The following KHDRBS3 variants were observed in gnomAD, a reference collection of about 807,000 sequenced individuals.
KHDRBS3 encodes KH domain-containing, RNA-binding, signal transduction-associated protein 3.
KHDRBS3 carries 23 observed loss-of-function variants against 45.6 expected under a neutral mutation model. That is an observed-to-expected ratio of 0.50 (90% CI 0.36 to 0.72). The LOEUF (loss-of-function observed/expected upper bound fraction) is 0.72, where lower values mean the gene tolerates loss of function less well. KHDRBS3 is among the 30% of genes least tolerant of loss of function. The pLI, the probability that KHDRBS3 is intolerant of heterozygous loss-of-function variation, is 0.00. For synonymous variants in KHDRBS3, 162 were observed against 156.5 expected, an observed-to-expected ratio of 1.04 and a Z score of -0.26; for missense variants, 352 against 424.8, an observed-to-expected ratio of 0.83 and a Z score of 1.51.
At chr8:135,606,228 A>T (rs1408031496) in intron 6 of KHDRBS3, among the ~76,000 whole-genome samples, 1 of 151,976 alleles carries the variant, frequency 6.6e-6, no homozygotes, top group Non-Finnish European at 1.5e-5. Flanking sequence ...TTTTCTGGGC[A>T]TGGATATGGC....
At chr8:135,640,763 GAGA>G (rs1367939138) in intron 7 of KHDRBS3, among the ~76,000 whole-genome samples, 1 of 152,132 alleles carries the variant, frequency 6.6e-6, no homozygotes, top group East Asian at 1.9e-4. Context: ...TGATGGAGTT[GAGA>G]AGTATTTGGC....
intron 1 of KHDRBS3, among the ~76,000 whole-genome samples, chr8:135,466,680 G>T (rs1051885879): frequency 6.6e-6 from 1 of 152,218 alleles, no homozygotes; most frequent in South Asian, 2.1e-4. Context: ...TCTGTTTACT[G>T]ACTTGAGTGG....
intron 7 of KHDRBS3, among the ~76,000 whole-genome samples, chr8:135,628,848 G>A (rs1488043900): frequency 6.6e-6 from 1 of 152,224 alleles, no homozygotes; most frequent in Non-Finnish European, 1.5e-5. Flanking sequence ...AGTGTCTCAT[G>A]AGAGATTAAG....
chr8:135,601,942 G>A (rs192962102), intron 6 of KHDRBS3, among the ~76,000 whole-genome samples: 108 of 152,272 alleles, frequency 7.1e-4, no homozygotes, highest in Non-Finnish European at 1.1e-3. Context: ...CAGAACACTA[G>A]AAGATAAGAG....
intron 7 of KHDRBS3, among the ~76,000 whole-genome samples, chr8:135,615,279 A>G (rs1207837919): frequency 6.7e-6 from 1 of 149,062 alleles, no homozygotes; most frequent in East Asian, 1.9e-4. Flanking sequence ...AAAGGGAAGG[A>G]ACAGCCCAAG....
intron 1 of KHDRBS3, among the ~76,000 whole-genome samples, chr8:135,518,167 T>C (rs1488213733): frequency 2.0e-5 from 3 of 152,118 alleles, no homozygotes; most frequent in African/African-American, 7.2e-5. Context: ...TACTTTGTTT[T>C]TTTTTGTTGT....
At chr8:135,487,682 A>G (rs1478073716) in intron 1 of KHDRBS3, among the ~76,000 whole-genome samples, 1 of 152,178 alleles carries the variant, frequency 6.6e-6, no homozygotes, top group African/African-American at 2.4e-5. Context: ...GAAAAGGGAG[A>G]CAGGATAATA....
chr8:135,457,608 C>G lies in KHDRBS3; in HGVS notation c.-259C>G, dbSNP rs925455205. ...CCCGCCTAACCGCGCCGCCCGCGCC[C>G]GCTCCTCCTCGGCCCGCGCCCGGAG... On this transcript the variant is annotated 5_prime_UTR_variant, in exon 1 of 9. Coordinates refer to ENST00000355849, the MANE Select transcript of KHDRBS3 (RefSeq NM_006558.3). This position sits in a 1 kb window ranked among gnomAD's most constrained non-coding sequence, Gnocchi z 4.4. The G allele has an allele frequency of 9.5e-5, 14 of 147,008 alleles. No homozygotes were observed. The highest frequency in any genetic ancestry group is 2.7e-4 in the Admixed American group (4 of 14,766). 9.1% of individuals were successfully genotyped at this position (147,008 alleles called of 1,614,324 possible).
intron 7 of KHDRBS3, among the ~76,000 whole-genome samples, chr8:135,621,003 T>G (rs1457573811): frequency 6.6e-6 from 1 of 152,198 alleles, no homozygotes; most frequent in African/African-American, 2.4e-5. Flanking sequence ...CGTGTAAGTT[T>G]GCATCTGTTT....
chr8:135,506,764 T>C (rs1824016767), intron 1 of KHDRBS3, among the ~76,000 whole-genome samples: 1 of 152,214 alleles, frequency 6.6e-6, no homozygotes, highest in Admixed American at 6.5e-5. Context: ...GTTAGAATCT[T>C]CAACTCAGTA....
intron 7 of KHDRBS3, among the ~76,000 whole-genome samples, chr8:135,638,259 C>T (rs1183451470): frequency 6.6e-6 from 1 of 152,120 alleles, no homozygotes; most frequent in African/African-American, 2.4e-5. Flanking sequence ...GTGTTGGATC[C>T]CAGAGTAAAG....
chr8:135,553,883 AATG>A (rs998586630), intron 4 of KHDRBS3, among the ~76,000 whole-genome samples: 1 of 152,174 alleles, frequency 6.6e-6, no homozygotes, highest in Non-Finnish European at 1.5e-5. Flanking sequence ...GGGGAGTTAA[AATG>A]ATAATTTAAA....
chr8:135,460,236 G>A (rs1320114652), intron 1 of KHDRBS3, among the ~76,000 whole-genome samples: 4 of 152,196 alleles, frequency 2.6e-5, no homozygotes, highest in Non-Finnish European at 5.9e-5. Flanking sequence ...ATTCACATTG[G>A]AGTTGGTATT....
At chr8:135,470,801 G>T (rs1821979509) in intron 1 of KHDRBS3, among the ~76,000 whole-genome samples, 1 of 152,100 alleles carries the variant, frequency 6.6e-6, no homozygotes, top group African/African-American at 2.4e-5. Flanking sequence ...GGCCAGGGTG[G>T]TCTTGAACTC....
At chr8:135,584,738 G>C (rs1268634059) in intron 6 of KHDRBS3, among the ~76,000 whole-genome samples, 1 of 152,046 alleles carries the variant, frequency 6.6e-6, no homozygotes, top group Non-Finnish European at 1.5e-5. Flanking sequence ...GCAGATACCC[G>C]TTTGACCTCA....
intron 1 of KHDRBS3, among the ~76,000 whole-genome samples, chr8:135,477,562 A>G (rs1223230003): frequency 6.6e-6 from 1 of 152,226 alleles, no homozygotes; most frequent in Non-Finnish European, 1.5e-5. Context: ...GACATGAAAC[A>G]AACTAGGACT....
intron 6 of KHDRBS3, among the ~76,000 whole-genome samples, chr8:135,592,566 C>T (rs950665317): frequency 1.3e-5 from 2 of 152,096 alleles, no homozygotes; most frequent in African/African-American, 2.4e-5. Flanking sequence ...TCATAGAACA[C>T]GGTCTCTGCC....
intron 2 of KHDRBS3, among the ~76,000 whole-genome samples, chr8:135,524,705 T>C (rs1452510840): frequency 6.6e-6 from 1 of 152,094 alleles, no homozygotes; most frequent in Non-Finnish European, 1.5e-5. Flanking sequence ...CTGTTTTTTT[T>C]TTTCCTGTCC....
At chr8:135,468,118 C>T (rs1821792867) in intron 1 of KHDRBS3, among the ~76,000 whole-genome samples, 1 of 152,008 alleles carries the variant, frequency 6.6e-6, no homozygotes, top group Admixed American at 6.6e-5. Flanking sequence ...GGTTATAATC[C>T]TTTACTATCA....
Sources: gnomAD v4.1 joint callset for allele counts (sites outside exome capture counted in the v4.1 genomes callset) on GRCh38, gnomAD v4.1.1 for gene constraint, Gnocchi (gnomAD v3.1) non-coding constraint, MANE v1.5 for transcripts, NCBI Gene and HGNC (gene_info 2026-07-23, HGNC 2026-07-21) for gene names.